Variants in PWWP2A observed in about 807,000 individuals in gnomAD.
PWWP2A encodes PWWP domain-containing protein 2A.
PWWP2A carries 18 observed loss-of-function variants against 48.5 expected under a neutral mutation model. That is an observed-to-expected ratio of 0.37 (90% confidence interval 0.26 to 0.55). The LOEUF (loss-of-function observed/expected upper bound fraction) is 0.55, where lower values mean the gene tolerates loss of function less well. Ranked by LOEUF, PWWP2A falls within the 20% of genes least tolerant of loss-of-function variation. PWWP2A has a pLI of 0.81. For missense variants in PWWP2A, 867 were observed against 976.4 expected, an observed-to-expected ratio of 0.89 and a Z score of 1.49; for synonymous variants, 396 against 387.7, an observed-to-expected ratio of 1.02 and a Z score of -0.25.
downstream of PWWP2A, among the ~76,000 whole-genome samples, chr5:160,058,401 G>A (rs376957561): frequency 5.1e-4 from 76 of 149,940 alleles, 1 homozygote; most frequent in African/African-American, 1.5e-3. Flanking sequence ...GCCATATGAA[G>A]TGTATTTCTT....
chr5:160,073,336 C>G (rs1055377476), downstream of PWWP2A, among the ~76,000 whole-genome samples: 4 of 151,854 alleles, frequency 2.6e-5, no homozygotes, highest in African/African-American at 9.7e-5. Context: ...TCACGCCATC[C>G]TCCTGCCTCA....
chr5:160,112,728 G>A (rs1757717704), intron 1 of PWWP2A, among the ~76,000 whole-genome samples: 1 of 151,890 alleles, frequency 6.6e-6, no homozygotes, highest in African/African-American at 2.4e-5. Context: ...GAGGCGTAAA[G>A]TTTGTTTGCT....
At chr5:160,112,933 G>C (rs546953171) in intron 1 of PWWP2A, among the ~76,000 whole-genome samples, 1 of 152,258 alleles carries the variant, frequency 6.6e-6, no homozygotes, top group South Asian at 2.1e-4. Flanking sequence ...CGAGGAGGAG[G>C]ATTACCTGAG....
intron 4 of PWWP2A, chr5:160,066,475 T>G (rs1429406643): frequency 6.6e-6 from 1 of 151,820 alleles, no homozygotes; most frequent in Admixed American, 6.6e-5. Flanking sequence ...TTTTTGTATT[T>G]TTAGTAGAGA....
In PWWP2A at chr5:160,078,240, T is replaced by G; in HGVS notation, c.1670-72A>C. On this transcript the variant is annotated intron_variant, in intron 3 of 3. Transcript: ENST00000456329. The surrounding 1 kb of genome is among the most constrained non-coding windows in gnomAD (Gnocchi z 4.2). ...AATTATATGAGGAAAATGATGTCCT[T>G]GTTGTTTAAGCCCTACATAGATTGT... 1 of 1,252,792 alleles carries G rather than the reference T, an allele frequency of 8.0e-7. No homozygotes were observed. The highest frequency in any genetic ancestry group is 1.3e-5 in the South Asian group (1 of 77,676). 77.6% of individuals were successfully genotyped at this position (1,252,792 alleles called of 1,614,324 possible).
downstream of PWWP2A, among the ~76,000 whole-genome samples, chr5:160,073,510 A>G (rs1395177504): frequency 6.6e-6 from 1 of 151,860 alleles, no homozygotes; most frequent in Non-Finnish European, 1.5e-5. Context: ...TACAGGCGTG[A>G]GCCACCATGC....
At position 160,093,126 on chromosome 5, in the gene PWWP2A, A is replaced by C. The variant is rs1755252300; in HGVS notation, c.1524T>G (p.Ser508=). 6.2e-7 allele frequency: 1 copy of C among 1,613,910 alleles called. No individual in the cohort carries two copies. The highest frequency in any genetic ancestry group is 1.3e-5 in the African/African-American group (1 of 75,004). ...CTGCTGAGCGGGTAGAGGTGCAGCG[A>C]GACTGGGGCTTGGGTGCCATCTTGC... ...RSGKMAPKPQ[S]RCTSTRSAGE... Residue 508 remains serine, a synonymous_variant, in exon 2 of 2, where the codon TCT becomes TCG. Coordinates refer to ENST00000307063, the MANE Select transcript of PWWP2A (RefSeq NM_001130864.2). This position sits in a 1 kb window ranked among gnomAD's most constrained non-coding sequence, Gnocchi z 5.8.
chr5:160,092,465 G>A lies in PWWP2A; in HGVS notation c.2185C>T (p.Arg729Cys), dbSNP rs1755180070. The change falls in exon 2 of 2, where the codon CGC becomes TGC. Residue 729 changes from arginine to cysteine, a missense_variant. Arg to Cys is a radical substitution (Grantham distance 180). Coordinates refer to ENST00000307063, the MANE Select transcript of PWWP2A (RefSeq NM_001130864.2). ...RFNKKRKGLY[R>C]KAITEAAKAA... is the part of the protein sequence containing the mutation. ...TTAGCTGCCTCTGTGATAGCCTTGC[G>A]ATACAGGCCCTTTCTCTTCTTATTA... is the stretch of plus-strand genomic sequence containing the variant. 5 of 1,551,532 alleles carry A rather than the reference G, an allele frequency of 3.2e-6. No individual in the cohort carries two copies. The highest frequency in any genetic ancestry group is 2.4e-5 in the East Asian group (1 of 40,934).
intron 1 of PWWP2A, among the ~76,000 whole-genome samples, chr5:160,113,973 T>C (rs1757846870): frequency 6.6e-6 from 1 of 152,156 alleles, no homozygotes; most frequent in African/African-American, 2.4e-5. Flanking sequence ...GAGCCTCCAT[T>C]TCCTCCTGTG....
chr5:160,085,310 T>C (rs943255786), intron 2 of PWWP2A, among the ~76,000 whole-genome samples: 7 of 152,144 alleles, frequency 4.6e-5, no homozygotes, highest in African/African-American at 1.7e-4. Context: ...CTGATATGCA[T>C]TATAATTACA....
At chr5:160,091,102 A>G, downstream of PWWP2A, 1 of 984,428 alleles carries the variant, frequency 1.0e-6, no homozygotes, top group South Asian at 4.7e-5. Flanking sequence ...ATTGGCAGGA[A>G]GGGGATATCA....
rs375600795 is a variant in PWWP2A, at chr5:160,093,478, A to G, written c.1172T>C (p.Ile391Thr). The stretch of plus-strand genomic sequence containing the variant: ...TACTACTCTGCCTCTGCTGTGAGCA[A>G]TATTTGAAACCTTAACCACAGCATT... ...KRNAVVKVSN[I>T]AHSRGRVVKV... is the part of the protein sequence containing the mutation. The change falls in exon 2 of 2, where the codon ATT becomes ACT. Residue 391 changes from isoleucine (I) to threonine (T), a missense_variant. Transcript: ENST00000307063. The surrounding 1 kb of genome is among the most constrained non-coding windows in gnomAD (Gnocchi z 5.8). 3.7e-6 allele frequency: 6 copies of G among 1,613,770 alleles called. 1 individual carries two copies. Among genetic ancestry groups the G allele is most frequent in the South Asian group, 2.2e-5 (2 of 91,060 alleles).
Position 160,112,981 on chromosome 5 carries a change from A to C in PWWP2A, c.584+5824T>G, listed in dbSNP as rs188547974. ...AGACCAGTCTGGCCAACATGATGAA[A>C]CACTGTCTCTACTAAAAATACAAAA... On this transcript the variant is annotated intron_variant, in intron 1 of 1. Transcript: ENST00000307063. Among the ~76,000 whole-genome samples, 294 of 152,180 alleles carry C rather than the reference A, an allele frequency of 1.9e-3. 1 individual carries two copies. The highest frequency in any genetic ancestry group is 3.3e-3 in the Non-Finnish European group (224 of 67,988).
chr5:160,080,517 G>A, intron 3 of PWWP2A: 1 of 851,926 alleles, frequency 1.2e-6, no homozygotes, highest in Non-Finnish European at 1.6e-6. Flanking sequence ...GGCACACCCG[G>A]CTACCAAAGT....
chr5:160,102,280 C>T (rs929115772), intron 1 of PWWP2A, among the ~76,000 whole-genome samples: 1 of 150,908 alleles, frequency 6.6e-6, no homozygotes, highest in Non-Finnish European at 1.5e-5. Flanking sequence ...TGGTGACAGA[C>T]ACCTGTAATC....
intron 1 of PWWP2A, among the ~76,000 whole-genome samples, chr5:160,109,830 TATA>T (rs1757374076): frequency 1.5e-5 from 2 of 135,360 alleles, no homozygotes; most frequent in South Asian, 4.5e-4. Flanking sequence ...ATAATATATA[TATA>T]TATATATATC....
chr5:160,066,628 T>G (rs1284921880), intron 3 of PWWP2A: 1 of 152,102 alleles, frequency 6.6e-6, no homozygotes, highest in Non-Finnish European at 1.5e-5. Flanking sequence ...AAAAAAAATT[T>G]TAAGAGCATT....
At chr5:160,089,571 T>G (rs982699423), downstream of PWWP2A, 50 of 1,288,170 alleles carry the variant, frequency 3.9e-5, no homozygotes, top group African/African-American at 7.3e-4. Flanking sequence ...TGAATGGATG[T>G]TCCTTCCAAA....
chr5:160,051,208 G>A, the PWWP2A span: 6 of 1,590,582 alleles, frequency 3.8e-6, no homozygotes, highest in Non-Finnish European at 5.1e-6. Context: ...TACTTTGCTT[G>A]ATCATAAACA....
Sources: allele counts gnomAD v4.1 joint callset (sites outside exome capture counted in the v4.1 genomes callset), GRCh38; gene constraint gnomAD v4.1.1; non-coding constraint Gnocchi (gnomAD v3.1); transcripts MANE v1.5; gene names NCBI Gene and HGNC (gene_info 2026-07-23, HGNC 2026-07-21).